ANXA1: variants seen among roughly 807,000 people sequenced by gnomAD.
ANXA1 encodes the protein annexin I (lipocortin I).
ANXA1 carries 39 observed loss-of-function variants against 47.9 expected under a neutral mutation model. The observed-to-expected ratio is 0.81, with a 90% CI of 0.63 to 1.06. ANXA1 has a LOEUF of 1.06. Ranked by LOEUF, ANXA1 falls within the 50% of genes least tolerant of loss-of-function variation. The probability of loss-of-function intolerance (pLI) is 0.00; values close to 1 mark genes in which losing one functional copy is unlikely to be tolerated. For synonymous variants in ANXA1, 146 were observed against 142.5 expected, an observed-to-expected ratio of 1.02 and a Z score of -0.17; for missense variants, 446 against 422.7, an observed-to-expected ratio of 1.06 and a Z score of -0.48.
In ANXA1 at chr9:73,166,089, A is replaced by C; in HGVS notation, c.707-8A>C. The C allele has an allele frequency of 6.3e-7, 1 of 1,591,396 alleles. No homozygotes were observed. Among genetic ancestry groups the C allele is most frequent in the Non-Finnish European group, 8.6e-7 (1 of 1,167,382 alleles). ...TTGCATGTATCTTAGTTTGAATTTAATATTCAGTGTTTCAGAAATACACCA... is the reference window on the plus strand; with the variant it reads ...TTGCATGTATCTTAGTTTGAATTTACTATTCAGTGTTTCAGAAATACACCA... On this transcript the variant is annotated splice_polypyrimidine_tract_variant and splice_region_variant and intron_variant, in intron 9 of 12. Coordinates refer to ENST00000257497, the MANE Select transcript of ANXA1 (RefSeq NM_000700.3).
At chr9:73,158,348 C>T (rs1325488745) in intron 1 of ANXA1, 174 bp from the exon 2 acceptor site, 16 of 560,420 alleles carry the variant, frequency 2.9e-5, no homozygotes, top group Admixed American at 1.2e-4. Context: ...ATAAAAGCTT[C>T]CTTTAAAAAA....
At chr9:73,153,705 T>G (rs1471511182) in intron 1 of ANXA1, among the ~76,000 whole-genome samples, 2 of 152,290 alleles carry the variant, frequency 1.3e-5, no homozygotes, top group African/African-American at 2.4e-5. Flanking sequence ...AGTGTAGATA[T>G]GTTTTTTAAA....
intron 4 of ANXA1, chr9:73,159,768 T>A (rs1238272538): frequency 6.1e-6 from 1 of 164,042 alleles, no homozygotes; most frequent in Non-Finnish European, 1.3e-5. Context: ...GCCTAAATTT[T>A]ATATATAATT....
At chr9:73,165,981 G>T in intron 9 of ANXA1, 116 bp from the exon 10 acceptor site, 1 of 657,020 alleles carries the variant, frequency 1.5e-6, no homozygotes, top group Non-Finnish European at 2.6e-6. Context: ...TGCTTTAAAA[G>T]GTGTAGCCAA....
chr9:73,160,517 T>C, intron 5 of ANXA1, 141 bp downstream of exon 5: 1 of 591,272 alleles, frequency 1.7e-6, no homozygotes, highest in South Asian at 2.7e-5. Flanking sequence ...AATACCTCAA[T>C]GAAGGAATTA....
chr9:73,161,895 C>T (rs984793205), intron 6 of ANXA1, among the ~76,000 whole-genome samples: 11 of 151,912 alleles, frequency 7.2e-5, no homozygotes, highest in African/African-American at 2.2e-4. Flanking sequence ...TGTTTTAGTC[C>T]GTTTGTGTTG....
chr9:73,164,488 G>A (rs1282374148), intron 8 of ANXA1, among the ~76,000 whole-genome samples: 2 of 152,030 alleles, frequency 1.3e-5, no homozygotes, highest in Non-Finnish European at 2.9e-5. Context: ...AAGACTATCA[G>A]GGTTCTTAAT....
intron 6 of ANXA1, among the ~76,000 whole-genome samples, chr9:73,161,271 T>C (rs1048582891): frequency 1.3e-5 from 2 of 152,196 alleles, no homozygotes; most frequent in Non-Finnish European, 2.9e-5. Context: ...GTCATTTTTT[T>C]TGAAAAGAAT....
At chr9:73,168,880 GGTGTGTGT>G (rs3832643) in intron 11 of ANXA1, 144 bp from the exon 12 acceptor site, 24 of 402,956 alleles carry the variant, frequency 6.0e-5, no homozygotes, top group African/African-American at 1.3e-4. Context: ...ATTCGTGTAA[GGTGTGTGT>G]GTGTGTGTGT....
intron 1 of ANXA1, among the ~76,000 whole-genome samples, chr9:73,155,520 T>C (rs1824033370): frequency 6.6e-6 from 1 of 152,206 alleles, no homozygotes; most frequent in African/African-American, 2.4e-5. Context: ...TTAGTTGTAT[T>C]ATAATTATTC....
At position 73,160,802 on chromosome 9, in the gene ANXA1, G is replaced by A; in HGVS notation, c.385-1G>A. On this transcript the variant is annotated splice_acceptor_variant, in intron 5 of 12. Coordinates refer to ENST00000257497, the MANE Select transcript of ANXA1 (RefSeq NM_000700.3). LOFTEE classifies it high-confidence loss of function. The stretch of plus-strand genomic sequence containing the variant: ...TATCCTTTTCTTCTCTTCAAATTTA[G>A]GGCCTTGGAACTGATGAAGATACTC... 6.2e-7 allele frequency: 1 copy of A among 1,603,458 alleles called. No homozygotes were observed. Among genetic ancestry groups the A allele is most frequent in the Admixed American group, 1.7e-5 (1 of 58,932 alleles).
chr9:73,169,966 C>T, intron 12 of ANXA1, 85 bp from the exon 13 acceptor site: 1 of 956,156 alleles, frequency 1.0e-6, no homozygotes, highest in Admixed American at 2.6e-5. Context: ...ACAGCTAAGT[C>T]TAAAAATAAT....
intron 3 of ANXA1, 66 bp from the exon 4 acceptor site, chr9:73,159,263 A>T (rs1824098655): frequency 7.2e-6 from 9 of 1,252,700 alleles, no homozygotes; most frequent in Non-Finnish European, 9.3e-6. Flanking sequence ...CTCAGTAATG[A>T]ATTATTTTAT....
At chr9:73,154,107 C>G in intron 1 of ANXA1, 2 of 329,304 alleles carry the variant, frequency 6.1e-6, no homozygotes, top group South Asian at 4.6e-5. Flanking sequence ...TATCGAAAAG[C>G]CTGGAAGCAA....
chr9:73,164,575 C>A (rs1287391963), intron 8 of ANXA1, among the ~76,000 whole-genome samples: 1 of 151,938 alleles, frequency 6.6e-6, no homozygotes, highest in Non-Finnish European at 1.5e-5. Flanking sequence ...TTAATAAAGA[C>A]CGCTTGTGAC....
At chr9:73,165,057 T>G in intron 8 of ANXA1, 59 bp from the exon 9 acceptor site, 4 of 1,362,784 alleles carry the variant, frequency 2.9e-6, no homozygotes, top group Non-Finnish European at 3.1e-6. Context: ...GGTCTAACAT[T>G]ATTGTGCAGA....
chr9:73,153,402 T>G (rs1428520799), intron 1 of ANXA1, among the ~76,000 whole-genome samples: 1 of 152,214 alleles, frequency 6.6e-6, no homozygotes, highest in Non-Finnish European at 1.5e-5. Flanking sequence ...TCCTTTAAAA[T>G]TGGACAGAAT....
rs750826774 is a variant in ANXA1, at chr9:73,170,153, T to C, written c.*46T>C. ...AGCTATGATCAGAAGACTTTAATTA[T>C]ATATTTTCATCCTATAAGCTTAAAT... On this transcript the variant is annotated 3_prime_UTR_variant, in exon 13 of 13. Transcript: ENST00000257497. 1.7e-5 allele frequency: 26 copies of C among 1,512,982 alleles called. No individual in the cohort carries two copies. In the South Asian group the frequency reaches 2.8e-4, roughly 16 times the overall value. The allele number at this position is 1,512,982 out of a possible 1,614,324, so 93.7% of individuals were successfully genotyped here. A position where few individuals can be genotyped will look rare whatever the true frequency, so the allele number is the denominator to read the frequency against.
At position 73,158,666 on chromosome 9, in the gene ANXA1, C is replaced by T. The variant is rs1050986430; in HGVS notation, c.67-29C>T. 9 of 1,609,324 alleles carry T rather than the reference C, an allele frequency of 5.6e-6. No individual in the cohort carries two copies. The Middle Eastern group carries it at 5.0e-4, about 89-fold the overall frequency. On this transcript the variant is annotated intron_variant, in intron 2 of 12. Coordinates refer to ENST00000257497, the MANE Select transcript of ANXA1 (RefSeq NM_000700.3). ...AATAAAAACGAATATAAGTAAATGG[C>T]CATTAATTTATTTCTCTCTCATTCT...
Sources: allele counts gnomAD v4.1 joint callset (sites outside exome capture counted in the v4.1 genomes callset), GRCh38; gene constraint gnomAD v4.1.1; transcripts MANE v1.5; gene names NCBI Gene and HGNC (gene_info 2026-07-23, HGNC 2026-07-21).